OTOF: variants seen among roughly 807,000 people sequenced by gnomAD.
OTOF encodes otoferlin, also known as fer-1-like family member 2.
Under a neutral mutation model 236.8 loss-of-function variants are expected in OTOF, and 218 were observed. The observed-to-expected ratio is 0.92, with a 90% CI of 0.82 to 1.03. The LOEUF (loss-of-function observed/expected upper bound fraction) is 1.03. Ranked by LOEUF, OTOF falls within the 50% of genes least tolerant of loss-of-function variation. OTOF has a pLI of 0.00. For synonymous variants in OTOF, 1,041 were observed against 1,072.5 expected (o/e 0.97, Z 0.57); for missense variants, 2,590 against 2,694.4 (o/e 0.96, Z 0.86).
At position 26,477,909 on chromosome 2, in the gene OTOF, TTCC is replaced by T; in HGVS notation, c.2215-163_2215-161del. On this transcript the variant is annotated intron_variant, in intron 18 of 46. Coordinates refer to ENST00000272371, the MANE Select transcript of OTOF (RefSeq NM_194248.3). The surrounding 1 kb of genome is among the most constrained non-coding windows in gnomAD (Gnocchi z 4.7). ...CGGTCATCATGAGGAAGTCATCAAT[TTCC>T]CAGGTTCTGTTCTCAGAACCTGGAG... 6.5e-7 allele frequency: 1 copy of T among 1,529,834 alleles called. No homozygotes were observed. Among genetic ancestry groups the T allele is most frequent in the African/African-American group, 1.4e-5 (1 of 71,912 alleles). The allele number at this position is 1,529,834 out of a possible 1,614,324, so 94.8% of individuals were successfully genotyped here. A position where few individuals can be genotyped will look rare whatever the true frequency, so the allele number is the denominator to read the frequency against.
intron 5 of OTOF, among the ~76,000 whole-genome samples, chr2:26,510,307 G>A (rs1309990000): frequency 6.6e-6 from 1 of 151,900 alleles, no homozygotes. Context: ...GCCCTACCTC[G>A]CCCCTGTTGG....
At chr2:26,488,603 G>A (rs533567935) in intron 11 of OTOF, among the ~76,000 whole-genome samples, 7 of 152,342 alleles carry the variant, frequency 4.6e-5, no homozygotes, top group Admixed American at 6.5e-5. Context: ...CTCAGAGGCC[G>A]CCGCACTACA....
Position 26,461,816 on chromosome 2 carries a change from TCTC to T in OTOF, c.5410_5412del (p.Glu1804del), listed in dbSNP as rs397515607. The T allele has an allele frequency of 6.8e-6, 11 of 1,613,986 alleles. No individual in the cohort carries two copies. Among genetic ancestry groups the T allele is most frequent in the African/African-American group, 1.3e-5 (1 of 74,890 alleles). On this transcript the variant is annotated inframe_deletion, in exon 43 of 47. Coordinates refer to ENST00000272371, the MANE Select transcript of OTOF (RefSeq NM_194248.3). This position sits in a 1 kb window ranked among gnomAD's most constrained non-coding sequence, Gnocchi z 6.2. ...GACTCCTTCTTGGAGATGACGATCT[TCTC>T]CTCCGCCGCCAGGTAGTCGAAGGGG... is the stretch of plus-strand genomic sequence containing the variant.
At position 26,482,597 on chromosome 2, in the gene OTOF, T is replaced by G. The variant is rs1405096039; in HGVS notation, c.1393-5A>C. The G allele has an allele frequency of 6.2e-7, 1 of 1,611,494 alleles. No individual in the cohort carries two copies. The highest frequency in any genetic ancestry group is 1.3e-5 in the African/African-American group (1 of 74,852). On this transcript the variant is annotated splice_polypyrimidine_tract_variant and splice_region_variant and intron_variant, in intron 13 of 46. Coordinates refer to ENST00000272371, the MANE Select transcript of OTOF (RefSeq NM_194248.3). ...CTTCTGCACTGAAGTCTTGCCCTGGTGGAAGGGGGAGCACAGGTGAGGGCG... is the reference window on the plus strand; with the variant it reads ...CTTCTGCACTGAAGTCTTGCCCTGGGGGAAGGGGGAGCACAGGTGAGGGCG...
At chr2:26,467,831 A>G (rs1282056610) in intron 33 of OTOF, among the ~76,000 whole-genome samples, 3 of 152,256 alleles carry the variant, frequency 2.0e-5, no homozygotes, top group Non-Finnish European at 4.4e-5. Flanking sequence ...TCTTGTCCAT[A>G]ATAATAACAC....
chr2:26,493,644 C>A lies in OTOF; in HGVS notation c.897+1298G>T, dbSNP rs545596428. 5.3e-5 allele frequency among the ~76,000 whole-genome samples: 8 copies of A among 152,254 alleles called. No individual in the cohort carries two copies. The South Asian group carries it at 1.7e-3, about 32-fold the overall frequency. On this transcript the variant is annotated intron_variant, in intron 9 of 46. Transcript: ENST00000272371. ...TGCAACAAACCACACGGCTCATGCA[C>A]CTAGAAGGACACAATAAGCGAACAG... is the stretch of plus-strand genomic sequence containing the variant.
At chr2:26,504,265 G>GAGAA (rs1485975812) in intron 5 of OTOF, among the ~76,000 whole-genome samples, 2 of 152,220 alleles carry the variant, frequency 1.3e-5, no homozygotes, top group Non-Finnish European at 2.9e-5. Flanking sequence ...GCTGGTTGGA[G>GAGAA]AGAAAGCCCG....
chr2:26,543,244 A>C (rs940500813), intron 1 of OTOF, among the ~76,000 whole-genome samples: 1 of 152,038 alleles, frequency 6.6e-6, no homozygotes, highest in Admixed American at 6.5e-5. Flanking sequence ...GGGCCCAAGC[A>C]CCCCTGCGTG....
chr2:26,468,861 T>C (rs1364134835), intron 32 of OTOF, among the ~76,000 whole-genome samples: 1 of 151,964 alleles, frequency 6.6e-6, no homozygotes, highest in African/African-American at 2.4e-5. Context: ...ATGAGAACAC[T>C]TGGACACAGG....
At chr2:26,509,632 A>G (rs1452441129) in intron 5 of OTOF, among the ~76,000 whole-genome samples, 2 of 152,098 alleles carry the variant, frequency 1.3e-5, no homozygotes, top group Non-Finnish European at 2.9e-5. Flanking sequence ...CAATCCTGAT[A>G]TTTCCATGAT....
chr2:26,544,956 G>A (rs961086600), intron 1 of OTOF, among the ~76,000 whole-genome samples: 5 of 151,420 alleles, frequency 3.3e-5, no homozygotes, highest in South Asian at 2.1e-4. Context: ...CAGGAGAATC[G>A]CTTGAACCCG....
Position 26,470,689 on chromosome 2 carries a change from C to T in OTOF, c.3927G>A (p.Lys1309=), listed in dbSNP as rs2148035822. The T allele has an allele frequency of 6.2e-7, 1 of 1,613,162 alleles. No homozygotes were observed. The highest frequency in any genetic ancestry group is 1.1e-5 in the South Asian group (1 of 91,060). Residue 1309 remains lysine (K), a synonymous_variant, in exon 32 of 47, where the codon AAG becomes AAA. Transcript: ENST00000272371. This position sits in a 1 kb window ranked among gnomAD's most constrained non-coding sequence, Gnocchi z 4.3. Reference sequence around the variant, plus strand: ...CCTCTGGCTCCTCCGCAGTGCCCTTCTTCTTCTTCTTCTTCTCCTTCTCCT... The same window carrying T: ...CCTCTGGCTCCTCCGCAGTGCCCTTTTTCTTCTTCTTCTTCTCCTTCTCCT... The part of the protein sequence containing the change: ...AEEEKEKKKK[K]KGTAEEPEEE...
intron 1 of OTOF, among the ~76,000 whole-genome samples, chr2:26,551,401 G>A (rs575664138): frequency 3.3e-5 from 5 of 152,308 alleles, no homozygotes; most frequent in South Asian, 4.1e-4. Context: ...GGGCTCTAGG[G>A]GCCAACTAGG....
Position 26,461,073 on chromosome 2 carries a change from G to T in OTOF, c.5534-43C>A, listed in dbSNP as rs759282223. The T allele has an allele frequency of 2.5e-6, 3 of 1,196,620 alleles. No homozygotes were observed. Among genetic ancestry groups the T allele is most frequent in the Non-Finnish European group, 2.4e-6 (2 of 827,822 alleles). 74.1% of individuals were successfully genotyped at this position (1,196,620 alleles called of 1,614,324 possible). On this transcript the variant is annotated intron_variant, in intron 43 of 46. Transcript: ENST00000272371. This position sits in a 1 kb window ranked among gnomAD's most constrained non-coding sequence, Gnocchi z 6.2. ...TCAGCTCAGAGTGAACAGGGCTGGG[G>T]TGGGGCGGGGTGGGGGTGGGGGTCT...
intron 2 of OTOF, among the ~76,000 whole-genome samples, chr2:26,531,866 G>A (rs1344212746): frequency 2.0e-5 from 3 of 152,050 alleles, no homozygotes; most frequent in African/African-American, 7.3e-5. Flanking sequence ...GGCCAAAGTG[G>A]GCAGATGATT....
At chr2:26,535,932 G>A (rs1281082338) in intron 2 of OTOF, among the ~76,000 whole-genome samples, 1 of 152,236 alleles carries the variant, frequency 6.6e-6, no homozygotes, top group Non-Finnish European at 1.5e-5. Context: ...AAGGGTGGCA[G>A]TGCCCTTGGA....
In OTOF at chr2:26,494,949, T is replaced by C; in HGVS notation, c.890A>G (p.Tyr297Cys). The C allele has an allele frequency of 6.2e-7, 1 of 1,614,114 alleles. No individual in the cohort carries two copies. Among genetic ancestry groups the C allele is most frequent in the Non-Finnish European group, 8.5e-7 (1 of 1,179,992 alleles). The change falls in exon 9 of 47, where the codon TAC becomes TGC. Residue 297 changes from tyrosine (Y) to cysteine (C), a missense_variant. Physicochemically the swap from Tyr to Cys is radical, Grantham distance 194. Transcript: ENST00000272371. ...CCCCACAGGGCCACTGACCTCGTTG[T>C]AATAGGGGCAGTTAGTGGACTCCTT... The part of the protein sequence containing the change: ...SMKESTNCPY[Y>C]NEYFVFDFHV...
chr2:26,526,372 T>C (rs529745171), intron 3 of OTOF, among the ~76,000 whole-genome samples: 3 of 149,118 alleles, frequency 2.0e-5, no homozygotes, highest in Non-Finnish European at 4.4e-5. Context: ...GATGGAGGGA[T>C]GGATTGATGA....
At chr2:26,550,704 G>A (rs925599538) in intron 1 of OTOF, among the ~76,000 whole-genome samples, 1 of 152,058 alleles carries the variant, frequency 6.6e-6, no homozygotes, top group Non-Finnish European at 1.5e-5. Context: ...TCCCAGCGCC[G>A]CTCCTTCCTC....
Sources: gnomAD v4.1 joint callset for allele counts (sites outside exome capture counted in the v4.1 genomes callset) on GRCh38, gnomAD v4.1.1 for gene constraint, Gnocchi (gnomAD v3.1) non-coding constraint, MANE v1.5 for transcripts, NCBI Gene and HGNC (gene_info 2026-07-23, HGNC 2026-07-21) for gene names.